The following NLGN4X variants were observed in gnomAD, a reference collection of about 807,000 sequenced individuals.
NLGN4X encodes neuroligin-4, X-linked.
A neutral mutation model predicts 40.3 loss-of-function variants in NLGN4X; 3 were observed. The ratio of observed to expected loss-of-function variants is 0.07; its 90% CI spans 0.03 to 0.19. NLGN4X has a LOEUF of 0.19. Ranked by LOEUF, NLGN4X falls within the 10% of genes least tolerant of loss-of-function variation. NLGN4X has a pLI of 1.00. For synonymous variants in NLGN4X, 270 were observed against 306.8 expected (o/e 0.88, Z 1.25); for missense variants, 382 against 708.3 (o/e 0.54, Z 5.23).
intron 1 of NLGN4X, among the ~76,000 whole-genome samples, chrX:6,225,252 T>A (rs190739626): frequency 9.3e-6 from 1 of 107,535 alleles, no homozygotes; most frequent in African/African-American, 3.4e-5. Context: ...CCATTAGCCA[T>A]CCCTCCCCCA....
chrX:6,200,728 A>C (rs2178613), intron 1 of NLGN4X, among the ~76,000 whole-genome samples: 9,286 of 73,778 alleles, frequency 0.13, 561 homozygotes, highest in African/African-American at 0.23. Flanking sequence ...GCTCTGTCAC[A>C]CACGCTGGAG....
intron 1 of NLGN4X, among the ~76,000 whole-genome samples, chrX:6,206,164 C>G (rs758907911): frequency 9.0e-6 from 1 of 111,282 alleles, no homozygotes; most frequent in Non-Finnish European, 1.9e-5. Flanking sequence ...TGACATGGAG[C>G]AGTGGAGTCT....
chrX:6,021,933 A>G (rs1479119450), intron 3 of NLGN4X, among the ~76,000 whole-genome samples: 1 of 111,229 alleles, frequency 9.0e-6, no homozygotes, highest in African/African-American at 3.3e-5. Flanking sequence ...CTTATTCTAA[A>G]GGCTCCCATT....
chrX:6,138,766 AC>A (rs201762149), intron 2 of NLGN4X, among the ~76,000 whole-genome samples: 3,894 of 111,009 alleles, frequency 0.035, 76 homozygotes, highest in Non-Finnish European at 0.05. Flanking sequence ...TGGTGAAATG[AC>A]CTCAAAAGCT....
chrX:6,060,279 T>G (rs1295622863), intron 2 of NLGN4X, among the ~76,000 whole-genome samples: 3 of 111,817 alleles, frequency 2.7e-5, no homozygotes, highest in Non-Finnish European at 3.8e-5. Context: ...ATAATGAGGA[T>G]GGTGGTACCG....
intron 1 of NLGN4X, among the ~76,000 whole-genome samples, chrX:6,198,522 G>T (rs1346743340): frequency 8.9e-6 from 1 of 111,834 alleles, no homozygotes. Context: ...ACAGGGAAGG[G>T]ATCCTAAAGA....
Position 6,041,456 on chromosome X carries a change from C to T in NLGN4X, c.473-12024G>A, listed in dbSNP as rs1181190018. ...CTTTAGAACTTTTGGGCATTCTCTG[C>T]TGTTTCTCCCATCTGCAAAGCCCAT... On this transcript the variant is annotated intron_variant, in intron 2 of 5. Coordinates refer to ENST00000381095, the MANE Select transcript of NLGN4X (RefSeq NM_181332.3). 5.4e-5 allele frequency among the ~76,000 whole-genome samples: 6 copies of T among 112,133 alleles called. No homozygotes were observed. The Admixed American group carries it at 5.7e-4, about 11-fold the overall frequency.
intron 5 of NLGN4X, among the ~76,000 whole-genome samples, chrX:5,899,408 T>C (rs1399591053): frequency 4.5e-5 from 5 of 111,808 alleles, no homozygotes; most frequent in African/African-American, 1.6e-4. Context: ...GTCAGGGCCT[T>C]CATGAAAGCT....
chrX:6,185,357 G>A (rs1921911178), intron 1 of NLGN4X, among the ~76,000 whole-genome samples: 1 of 111,907 alleles, frequency 8.9e-6, no homozygotes, highest in Non-Finnish European at 1.9e-5. Flanking sequence ...CAGGCACTGT[G>A]GAAAGGGAAG....
chrX:5,934,243 C>A (rs770852651), intron 3 of NLGN4X, among the ~76,000 whole-genome samples: 37 of 111,727 alleles, frequency 3.3e-4, no homozygotes, highest in Non-Finnish European at 6.6e-4. Flanking sequence ...TTATTTCCTT[C>A]TTTTTTAAGG....
chrX:6,000,004 AG>A (rs1389462017), intron 3 of NLGN4X, among the ~76,000 whole-genome samples: 1 of 112,596 alleles, frequency 8.9e-6, no homozygotes, highest in African/African-American at 3.2e-5. Flanking sequence ...TCAGCCATAC[AG>A]AATGTAACAA....
chrX:5,952,390 G>A lies in NLGN4X; in HGVS notation c.626-43151C>T, dbSNP rs764607778. On this transcript the variant is annotated intron_variant, in intron 3 of 5. Coordinates refer to ENST00000381095, the MANE Select transcript of NLGN4X (RefSeq NM_181332.3). The stretch of plus-strand genomic sequence containing the variant: ...AAAAGATGTAGATGTTGGGAACAAC[G>A]TTCTTGAGTAGGTGTGAGAAGGATG... Among the ~76,000 whole-genome samples the A allele has an allele frequency of 3.6e-5, 4 of 111,376 alleles. No individual in the cohort carries two copies. In the East Asian group the frequency reaches 1.1e-3, roughly 32 times the overall value.
chrX:6,114,350 T>C (rs988813559), intron 2 of NLGN4X, among the ~76,000 whole-genome samples: 2 of 111,631 alleles, frequency 1.8e-5, no homozygotes, highest in Admixed American at 9.6e-5. Flanking sequence ...TGTGCTGTTG[T>C]TTATAATATA....
intron 3 of NLGN4X, among the ~76,000 whole-genome samples, chrX:5,919,617 T>C (rs887590299): frequency 9.0e-6 from 1 of 111,365 alleles, no homozygotes; most frequent in Admixed American, 9.6e-5. Flanking sequence ...GCTCCACCTC[T>C]CGTCAGTTCA....
At position 5,949,664 on chromosome X, in the gene NLGN4X, T is replaced by G. The variant is rs921242299; in HGVS notation, c.626-40425A>C. ...ATAAGAATATAGATGAAAACTCGCA[T>G]TATTTAAACATTTTAAAAATGATAC... On this transcript the variant is annotated intron_variant, in intron 3 of 5. Coordinates refer to ENST00000381095, the MANE Select transcript of NLGN4X (RefSeq NM_181332.3). Among the ~76,000 whole-genome samples the G allele has an allele frequency of 2.7e-5, 3 of 112,257 alleles. No homozygotes were observed. The East Asian group carries it at 8.4e-4, about 31-fold the overall frequency.
chrX:6,136,833 T>C (rs2039830539), intron 2 of NLGN4X, among the ~76,000 whole-genome samples: 2 of 111,829 alleles, frequency 1.8e-5, no homozygotes, highest in Admixed American at 9.5e-5. Context: ...ACTTCTCTGG[T>C]GAGCAGGGGA....
chrX:5,975,021 A>G (rs1241651515), intron 3 of NLGN4X, among the ~76,000 whole-genome samples: 1 of 111,625 alleles, frequency 9.0e-6, no homozygotes, highest in Non-Finnish European at 1.9e-5. Context: ...AATGCCAGAC[A>G]GAGGGAGGAT....
intron 3 of NLGN4X, among the ~76,000 whole-genome samples, chrX:5,945,435 G>A (rs916959698): frequency 8.9e-6 from 1 of 112,191 alleles, no homozygotes; most frequent in Non-Finnish European, 1.9e-5. Context: ...GAAAGGTCCC[G>A]GCATAAGAAA....
intron 3 of NLGN4X, among the ~76,000 whole-genome samples, chrX:5,983,000 C>A (rs1021296575): frequency 1.8e-5 from 2 of 112,717 alleles, no homozygotes; most frequent in African/African-American, 6.4e-5. Context: ...TGTGGGAGTT[C>A]TTGCAGCATC....
Sources: gnomAD v4.1 joint callset for allele counts (sites outside exome capture counted in the v4.1 genomes callset) on GRCh38, gnomAD v4.1.1 for gene constraint, MANE v1.5 for transcripts, NCBI Gene and HGNC (gene_info 2026-07-23, HGNC 2026-07-21) for gene names.